The following NAALADL2 variants were observed in gnomAD, a reference collection of about 807,000 sequenced individuals.
NAALADL2 encodes N-acetylated alpha-linked acidic dipeptidase like 2.
A neutral mutation model predicts 87.2 loss-of-function variants in NAALADL2; 76 were observed. The ratio of observed to expected loss-of-function variants is 0.87; its 90% CI spans 0.72 to 1.05. NAALADL2 has a LOEUF of 1.05. Among genes scored for constraint, NAALADL2 ranks in the 50% least tolerant of loss-of-function variants. NAALADL2 has a pLI of 0.00. For missense variants in NAALADL2, 1,089 were observed against 945.8 expected (o/e 1.15, Z -1.99); for synonymous variants, 354 against 331.0 (o/e 1.07, Z -0.75).
intron 1 of NAALADL2, among the ~76,000 whole-genome samples, chr3:174,492,264 C>A (rs576575552): frequency 2.1e-5 from 3 of 144,856 alleles, no homozygotes; most frequent in Middle Eastern, 3.6e-3. Flanking sequence ...CAGCAAGACT[C>A]CGTCTCAAAA....
chr3:174,763,586 C>CAAA (rs1163373340), intron 3 of NAALADL2, among the ~76,000 whole-genome samples: 10 of 48,370 alleles, frequency 2.1e-4, no homozygotes, highest in African/African-American at 7.9e-4. Context: ...GACTCCATCT[C>CAAA]AAAAAAAAAA....
intron 1 of NAALADL2, among the ~76,000 whole-genome samples, chr3:174,480,968 T>A (rs1306680842): frequency 6.6e-6 from 1 of 152,090 alleles, no homozygotes; most frequent in Non-Finnish European, 1.5e-5. Flanking sequence ...TCAATATTGA[T>A]CATCAGCTAT....
chr3:174,479,452 TGAG>T (rs745418058), intron 1 of NAALADL2, among the ~76,000 whole-genome samples: 12 of 152,116 alleles, frequency 7.9e-5, no homozygotes, highest in Non-Finnish European at 1.2e-4. Context: ...ATCTCATAAA[TGAG>T]CTTGAAAGTC....
intron 5 of NAALADL2, among the ~76,000 whole-genome samples, chr3:175,336,758 A>G (rs944385541): frequency 6.6e-6 from 1 of 152,216 alleles, no homozygotes; most frequent in Admixed American, 6.5e-5. Context: ...TTTCCTCAGC[A>G]TGATCTGTTC....
At chr3:175,270,708 T>G (rs1752703221) in intron 4 of NAALADL2, among the ~76,000 whole-genome samples, 1 of 152,170 alleles carries the variant, frequency 6.6e-6, no homozygotes, top group South Asian at 2.1e-4. Flanking sequence ...TTGTGTGTGA[T>G]AGCCTGGCAA....
At chr3:174,493,455 T>C (rs1287384444) in intron 1 of NAALADL2, among the ~76,000 whole-genome samples, 6 of 152,216 alleles carry the variant, frequency 3.9e-5, no homozygotes, top group Non-Finnish European at 8.8e-5. Context: ...ACAAATTCAA[T>C]GTAAGTTATT....
intron 1 of NAALADL2, among the ~76,000 whole-genome samples, chr3:175,013,301 A>ATATATTTTTTTTTTT (rs1553916905): frequency 1.4e-5 from 1 of 72,072 alleles, no homozygotes; most frequent in Non-Finnish European, 2.4e-5. Context: ...ATATATATAT[A>ATATATTTTTTTTTTT]TTTTTTTTTT....
In NAALADL2 at chr3:175,355,913, G is replaced by A. The variant is rs1458500379; in HGVS notation, c.1090+31588G>A. Among the ~76,000 whole-genome samples, 4 of 152,090 alleles carry A rather than the reference G, an allele frequency of 2.6e-5. No individual in the cohort carries two copies. In the East Asian group the frequency reaches 7.7e-4, roughly 29 times the overall value. On this transcript the variant is annotated intron_variant, in intron 5 of 13. Coordinates refer to ENST00000454872, the MANE Select transcript of NAALADL2 (RefSeq NM_207015.3). The stretch of plus-strand genomic sequence containing the variant: ...GAACTTGAACAAGACCTTGACAAAT[G>A]GGTAGGCAGATAACTAAAATATTCT...
At chr3:175,396,127 C>A (rs968034743) in intron 5 of NAALADL2, among the ~76,000 whole-genome samples, 1 of 152,124 alleles carries the variant, frequency 6.6e-6, no homozygotes, top group Non-Finnish European at 1.5e-5. Flanking sequence ...TGACAAATAT[C>A]TTTCAGTCCA....
At chr3:175,108,408 A>G (rs776502560) in intron 2 of NAALADL2, among the ~76,000 whole-genome samples, 14 of 151,994 alleles carry the variant, frequency 9.2e-5, no homozygotes, top group Non-Finnish European at 1.6e-4. Flanking sequence ...TTCTCATAGA[A>G]CAAGAAACAA....
At chr3:174,675,909 A>G (rs966848626) in intron 2 of NAALADL2, among the ~76,000 whole-genome samples, 5 of 152,098 alleles carry the variant, frequency 3.3e-5, no homozygotes, top group Admixed American at 1.3e-4. Flanking sequence ...AATTGGAAAT[A>G]GTAGATAGCT....
At chr3:175,608,752 A>G (rs114568032) in intron 10 of NAALADL2, among the ~76,000 whole-genome samples, 3,912 of 152,272 alleles carry the variant, frequency 0.026, 89 homozygotes, top group Admixed American at 0.07. Flanking sequence ...TCATTTTTCC[A>G]TCACAAGCTT....
intron 1 of NAALADL2, among the ~76,000 whole-genome samples, chr3:174,966,021 T>C (rs2902088): frequency 0.42 from 64,515 of 151,922 alleles, 16,961 homozygotes; most frequent in Non-Finnish European, 0.61. Flanking sequence ...TTGAGATTCA[T>C]GATCATAAAT....
chr3:175,216,891 AC>A (rs1742638876), intron 2 of NAALADL2, among the ~76,000 whole-genome samples: 1 of 151,320 alleles, frequency 6.6e-6, no homozygotes, highest in Admixed American at 6.6e-5. Context: ...CTGGTCTCGA[AC>A]TCCTGACCTC....
intron 9 of NAALADL2, among the ~76,000 whole-genome samples, chr3:175,573,856 G>A (rs1210324073): frequency 2.6e-5 from 4 of 151,828 alleles, no homozygotes; most frequent in Non-Finnish European, 4.4e-5. Flanking sequence ...GGATTAAGTT[G>A]CTACTGATTA....
intron 1 of NAALADL2, among the ~76,000 whole-genome samples, chr3:174,967,549 C>G (rs540598048): frequency 6.6e-6 from 1 of 152,252 alleles, no homozygotes; most frequent in African/African-American, 2.4e-5. Flanking sequence ...TTCAGAATTT[C>G]TGAGCCTAGG....
Position 175,471,654 on chromosome 3 carries a change from C to A in NAALADL2, c.1549C>A (p.Leu517Ile). The A allele has an allele frequency of 2.0e-6, 3 of 1,504,962 alleles. No individual in the cohort carries two copies. The highest frequency in any genetic ancestry group is 2.8e-6 in the Non-Finnish European group (3 of 1,086,624). 93.2% of individuals were successfully genotyped at this position (1,504,962 alleles called of 1,614,324 possible). A position where few individuals can be genotyped will look rare whatever the true frequency, so the allele number is the denominator to read the frequency against. Residue 517 changes from leucine to isoleucine, a missense_variant, in exon 9 of 14, where the codon CTT becomes ATT. Coordinates refer to ENST00000454872, the MANE Select transcript of NAALADL2 (RefSeq NM_207015.3). Reference sequence around the variant, plus strand: ...GTTATTTCAGGATTTCAAGAAGGTTCTTCAGAAAAATGTTGTGGCTTATAT... The same window carrying A: ...GTTATTTCAGGATTTCAAGAAGGTTATTCAGAAAAATGTTGTGGCTTATAT... ...YEWGEDFKKVLQKNVVAYISL... is the reference protein window; with the variant it reads ...YEWGEDFKKVIQKNVVAYISL...
At chr3:175,783,313 C>A (rs1320476288) in intron 13 of NAALADL2, among the ~76,000 whole-genome samples, 1 of 151,912 alleles carries the variant, frequency 6.6e-6, no homozygotes, top group Non-Finnish European at 1.5e-5. Flanking sequence ...GCCATTTTCA[C>A]GATACTGATT....
intron 1 of NAALADL2, among the ~76,000 whole-genome samples, chr3:174,978,991 A>G (rs551038281): frequency 6.6e-6 from 1 of 152,268 alleles, no homozygotes; most frequent in African/African-American, 2.4e-5. Context: ...TCTCTTTTTT[A>G]AATTTATTTT....
Sources: allele counts gnomAD v4.1 joint callset (sites outside exome capture counted in the v4.1 genomes callset), GRCh38; gene constraint gnomAD v4.1.1; transcripts MANE v1.5; gene names NCBI Gene and HGNC (gene_info 2026-07-23, HGNC 2026-07-21).